Variants in TRRAP observed in about 807,000 individuals in gnomAD.
TRRAP encodes transformation/transcription domain-associated protein.
TRRAP carries 41 observed loss-of-function variants against 438.8 expected under a neutral mutation model. That is an observed-to-expected ratio of 0.09 (90% CI 0.07 to 0.12). The LOEUF is 0.12. Ranked by LOEUF, TRRAP falls within the 10% of genes least tolerant of loss-of-function variation. The pLI is 1.00. For synonymous variants in TRRAP, 1,994 were observed against 1,962.9 expected (o/e 1.02, Z -0.42); for missense variants, 3,122 against 5,055.1 (o/e 0.62, Z 11.60).
At position 99,008,572 on chromosome 7, in the gene TRRAP, G is replaced by C. The variant is rs750308737; in HGVS notation, c.10938+11G>C. 2.5e-6 allele frequency: 4 copies of C among 1,612,028 alleles called. No individual in the cohort carries two copies. Among genetic ancestry groups the C allele is most frequent in the African/African-American group, 2.7e-5 (2 of 74,942 alleles). On this transcript the variant is annotated intron_variant, in intron 70 of 72. Coordinates refer to ENST00000456197, the MANE Select transcript of TRRAP (RefSeq NM_001375524.1). The stretch of plus-strand genomic sequence containing the variant: ...CAAGCCAGCCACCAGGTAGCAGTGG[G>C]GCCGGGCCGGGGGCCGAGCTGCCGC...
Position 99,012,620 on chromosome 7 carries a change from C to T in TRRAP, c.*265C>T. ...CTTTCAAAATAATCTTTTAAGAAGC[C>T]AGGATTCTCCGGTCTGGAATTTCTG... On this transcript the variant is annotated 3_prime_UTR_variant, in exon 73 of 73. Coordinates refer to ENST00000456197, the MANE Select transcript of TRRAP (RefSeq NM_001375524.1). This position sits in a 1 kb window ranked among gnomAD's most constrained non-coding sequence, Gnocchi z 5.9. The T allele has an allele frequency of 2.0e-6, 1 of 488,000 alleles. No homozygotes were observed. Among genetic ancestry groups the T allele is most frequent in the East Asian group, 3.6e-5 (1 of 27,694 alleles). The allele number at this position is 488,000 out of a possible 1,614,324, so 30.2% of individuals were successfully genotyped here. A position where few individuals can be genotyped will look rare whatever the true frequency, so the allele number is the denominator to read the frequency against.
chr7:98,978,232 G>A lies in TRRAP; in HGVS notation c.8407G>A (p.Ala2803Thr). Residue 2803 changes from alanine (A) to threonine (T), a missense_variant, in exon 57 of 73, where the codon GCA (alanine) becomes ACA (threonine). This residue lies in a region of TRRAP where 992 missense variants were observed against 1,281.2 expected (regional missense o/e 0.77). Transcript: ENST00000456197. The part of the protein sequence containing the change: ...FEQAQESYEK[A>T]MDKAKKEHER... ...TTAGGCACAAGAATCCTATGAAAAGGCAATGGATAAAGCCAAAAAAGAACA... is the reference window on the plus strand; with the variant it reads ...TTAGGCACAAGAATCCTATGAAAAGACAATGGATAAAGCCAAAAAAGAACA... 1 of 1,613,806 alleles carries A rather than the reference G, an allele frequency of 6.2e-7. No individual in the cohort carries two copies. The highest frequency in any genetic ancestry group is 8.5e-7 in the Non-Finnish European group (1 of 1,179,932).
rs34237914 is a variant in TRRAP, at chr7:98,962,655, G to T, written c.6829+228G>T. ...GCTCCCTCCTCAGCTTCCAGCACAG[G>T]CTTTGGTGTGAGGGATGTTGCCAGG... is the stretch of plus-strand genomic sequence containing the variant. On this transcript the variant is annotated intron_variant, in intron 47 of 72. Coordinates refer to ENST00000456197, the MANE Select transcript of TRRAP (RefSeq NM_001375524.1). Among the ~76,000 whole-genome samples the T allele has an allele frequency of 5.9e-3, 892 of 152,332 alleles. 7 individuals carry two copies. Among genetic ancestry groups the T allele is most frequent in the African/African-American group, 0.021 (856 of 41,572 alleles).
intron 64 of TRRAP, among the ~76,000 whole-genome samples, chr7:98,991,263 C>T (rs1240216224): frequency 1.3e-5 from 2 of 152,188 alleles, no homozygotes; most frequent in Non-Finnish European, 2.9e-5. Context: ...TGGGACACAG[C>T]GCCTTTGTGG....
chr7:98,918,324 G>A (rs1200793473), intron 20 of TRRAP, among the ~76,000 whole-genome samples: 1 of 148,314 alleles, frequency 6.7e-6, no homozygotes, highest in African/African-American at 2.6e-5. Flanking sequence ...TCCGCCTCCC[G>A]GGTTCAAGCA....
intron 16 of TRRAP, 103 bp downstream of exon 16, chr7:98,910,710 G>T: frequency 2.1e-6 from 2 of 949,834 alleles, no homozygotes. Flanking sequence ...GTATTTGGAT[G>T]GTCCACAGTA....
intron 41 of TRRAP, among the ~76,000 whole-genome samples, chr7:98,955,898 G>GTA (rs1428581259): frequency 6.6e-6 from 1 of 150,926 alleles, no homozygotes; most frequent in Non-Finnish European, 1.5e-5. Context: ...CAAGACTGAA[G>GTA]TATACTATTG....
chr7:98,917,397 T>G, intron 19 of TRRAP, 26 bp from the exon 20 acceptor site: 1 of 1,607,840 alleles, frequency 6.2e-7, no homozygotes, highest in South Asian at 1.1e-5. Flanking sequence ...GTCTTCCCTC[T>G]CTGATAGCTG....
chr7:98,948,368 C>G lies in TRRAP; in HGVS notation c.4668+28C>G, dbSNP rs376147112. 2 of 1,613,834 alleles carry G rather than the reference C, an allele frequency of 1.2e-6. 1 individual carries two copies. Among genetic ancestry groups the G allele is most frequent in the South Asian group, 2.2e-5 (2 of 91,054 alleles). On this transcript the variant is annotated intron_variant, in intron 34 of 72. Coordinates refer to ENST00000456197, the MANE Select transcript of TRRAP (RefSeq NM_001375524.1). This position sits in a 1 kb window ranked among gnomAD's most constrained non-coding sequence, Gnocchi z 4.9. ...AAGGGCCATACTGAAGGCTGCTTCT[C>G]GCTCTGCCACCCTCCGGTGCTTATA...
chr7:98,956,723 C>G lies in TRRAP; in HGVS notation c.6231+190C>G, dbSNP rs188090429. Among the ~76,000 whole-genome samples the G allele has an allele frequency of 1.1e-4, 17 of 152,290 alleles. No homozygotes were observed. The highest frequency in any genetic ancestry group is 1.1e-3 in the Admixed American group (17 of 15,306). Reference sequence around the variant, plus strand: ...AGGGGTTCCCAGGTCACCAGACATGCTTGCCTCATGCGTTCAGTTCATACC... The same window carrying G: ...AGGGGTTCCCAGGTCACCAGACATGGTTGCCTCATGCGTTCAGTTCATACC... On this transcript the variant is annotated intron_variant, in intron 43 of 72. Transcript: ENST00000456197. This position sits in a 1 kb window ranked among gnomAD's most constrained non-coding sequence, Gnocchi z 4.5.
chr7:98,995,761 T>C (rs955681148), intron 67 of TRRAP, among the ~76,000 whole-genome samples: 2 of 144,774 alleles, frequency 1.4e-5, no homozygotes, highest in African/African-American at 5.1e-5. Context: ...TCCACTCACC[T>C]GTATCCTATC....
At chr7:98,896,921 A>G (rs1554405842) in intron 7 of TRRAP, among the ~76,000 whole-genome samples, 1 of 147,548 alleles carries the variant, frequency 6.8e-6, no homozygotes, top group African/African-American at 2.7e-5. Context: ...GTTGGCAGTG[A>G]GGTCCTGGCT....
At chr7:98,907,784 C>G (rs1293694575) in intron 13 of TRRAP, among the ~76,000 whole-genome samples, 1 of 151,568 alleles carries the variant, frequency 6.6e-6, no homozygotes, top group African/African-American at 2.4e-5. Flanking sequence ...CACGCCGCCC[C>G]CTACAGCCCC....
At position 98,976,035 on chromosome 7, in the gene TRRAP, A is replaced by G; in HGVS notation, c.7840-114A>G. On this transcript the variant is annotated intron_variant, in intron 53 of 72. Transcript: ENST00000456197. This position sits in a 1 kb window ranked among gnomAD's most constrained non-coding sequence, Gnocchi z 4.6. Reference sequence around the variant, plus strand: ...ATTTTCTCAGATCTTTGAAACTTTGAAAGTGGAGGAGCATCGGTAATGTAT... The same window carrying G: ...ATTTTCTCAGATCTTTGAAACTTTGGAAGTGGAGGAGCATCGGTAATGTAT... 1 of 1,319,058 alleles carries G rather than the reference A, an allele frequency of 7.6e-7. No individual in the cohort carries two copies. Among genetic ancestry groups the G allele is most frequent in the Non-Finnish European group, 1.0e-6 (1 of 982,796 alleles). 81.7% of individuals were successfully genotyped at this position (1,319,058 alleles called of 1,614,324 possible). A position where few individuals can be genotyped will look rare whatever the true frequency, so the allele number is the denominator to read the frequency against.
At position 98,916,035 on chromosome 7, in the gene TRRAP, C is replaced by A. The variant is rs868982800; in HGVS notation, c.2365+147C>A. 33 of 1,102,254 alleles carry A rather than the reference C, an allele frequency of 3.0e-5. No homozygotes were observed. In the African/African-American group the frequency reaches 4.4e-4, roughly 15 times the overall value. The allele number at this position is 1,102,254 out of a possible 1,614,324, so 68.3% of individuals were successfully genotyped here. A position where few individuals can be genotyped will look rare whatever the true frequency, so the allele number is the denominator to read the frequency against. On this transcript the variant is annotated intron_variant, in intron 19 of 72. Transcript: ENST00000456197. ...TGTGGCACATCCGCCGCCCCCCTGCCCCCCTCCCCTGGCCCTGGTCATCTA... is the reference window on the plus strand; with the variant it reads ...TGTGGCACATCCGCCGCCCCCCTGCACCCCTCCCCTGGCCCTGGTCATCTA...
intron 53 of TRRAP, among the ~76,000 whole-genome samples, chr7:98,975,576 C>T (rs771553619): frequency 3.9e-5 from 6 of 152,200 alleles, no homozygotes; most frequent in Non-Finnish European, 5.9e-5. Context: ...GTTTCGACTT[C>T]GGGCTCTAGT....
chr7:98,986,578 A>G (rs961792074), intron 62 of TRRAP, among the ~76,000 whole-genome samples: 1 of 152,164 alleles, frequency 6.6e-6, no homozygotes, highest in Non-Finnish European at 1.5e-5. Flanking sequence ...GTTAGTTTGT[A>G]ATTCTTTATA....
chr7:98,996,070 C>T (rs1793643760), intron 67 of TRRAP, among the ~76,000 whole-genome samples: 1 of 149,838 alleles, frequency 6.7e-6, no homozygotes, highest in Non-Finnish European at 1.5e-5. Flanking sequence ...CATCCACTTA[C>T]CTGCGTCCCC....
rs1554419616 is a variant in TRRAP at position 98,956,026 on chromosome 7, G to A, written c.5938-120G>A. 5 of 1,228,440 alleles carry A rather than the reference G, an allele frequency of 4.1e-6. No individual in the cohort carries two copies. The highest frequency in any genetic ancestry group is 5.6e-6 in the Non-Finnish European group (5 of 898,190). The allele number at this position is 1,228,440 out of a possible 1,614,324, so 76.1% of individuals were successfully genotyped here. On this transcript the variant is annotated intron_variant, in intron 41 of 72. Coordinates refer to ENST00000456197, the MANE Select transcript of TRRAP (RefSeq NM_001375524.1). This position sits in a 1 kb window ranked among gnomAD's most constrained non-coding sequence, Gnocchi z 4.5. Reference sequence around the variant, plus strand: ...GAATTCTTGAGCATCAAGTTGGGCTGTGTGTGTATGTTGGGGCTGAGAGGC... The same window carrying A: ...GAATTCTTGAGCATCAAGTTGGGCTATGTGTGTATGTTGGGGCTGAGAGGC...
Sources: gnomAD v4.1 joint callset for allele counts (sites outside exome capture counted in the v4.1 genomes callset) on GRCh38, gnomAD v4.1.1 for gene constraint, gnomAD v4.1.1 regional missense constraint, Gnocchi (gnomAD v3.1) non-coding constraint, MANE v1.5 for transcripts, NCBI Gene and HGNC (gene_info 2026-07-23, HGNC 2026-07-21) for gene names.